Variants in CEP128 observed in about 807,000 individuals in gnomAD.
CEP128 encodes the protein centrosomal protein 128kDa.
In CEP128, 132 loss-of-function variants were observed where a neutral mutation model predicts 156.7. That is an observed-to-expected ratio of 0.84 (90% CI 0.73 to 0.97). The LOEUF is 0.97. CEP128 is among the 50% of genes least tolerant of loss of function. The pLI is 0.00. For missense variants in CEP128, 1,252 were observed against 1,281.9 expected (o/e 0.98, Z 0.36); for synonymous variants, 469 against 448.9 (o/e 1.04, Z -0.57).
chr14:80,660,600 T>A (rs1895358146), intron 19 of CEP128, among the ~76,000 whole-genome samples: 2 of 152,176 alleles, frequency 1.3e-5, no homozygotes, highest in African/African-American at 4.8e-5. Context: ...ATTACCTTGT[T>A]GAGTGAAAAG....
chr14:80,793,817 A>G (rs1347872202), intron 13 of CEP128, among the ~76,000 whole-genome samples: 11 of 152,206 alleles, frequency 7.2e-5, no homozygotes, highest in Non-Finnish European at 1.6e-4. Context: ...TGGAAATTAC[A>G]CTAAATCATC....
chr14:80,927,286 C>T (rs1401622338), intron 2 of CEP128, among the ~76,000 whole-genome samples: 1 of 152,180 alleles, frequency 6.6e-6, no homozygotes, highest in East Asian at 1.9e-4. Flanking sequence ...GTGCTGGGCT[C>T]AGTAGGAAAA....
At chr14:80,619,906 C>G (rs541646129) in intron 19 of CEP128, among the ~76,000 whole-genome samples, 1 of 152,016 alleles carries the variant, frequency 6.6e-6, no homozygotes, top group Non-Finnish European at 1.5e-5. Flanking sequence ...GTGTGGATCA[C>G]CTGAGGTCAG....
At chr14:80,958,278 A>G (rs1886817477) in exon 2 of CEP128, 1 of 152,174 alleles carries the variant, frequency 6.6e-6, no homozygotes, top group Non-Finnish European at 1.5e-5. Context: ...CATTTTATAG[A>G]TGAGGACCTT....
chr14:80,835,085 A>C (rs1179197140), intron 12 of CEP128, among the ~76,000 whole-genome samples: 1 of 152,094 alleles, frequency 6.6e-6, no homozygotes, highest in Non-Finnish European at 1.5e-5. Context: ...TAGTTCAGAC[A>C]AGAGTGGGTT....
intron 19 of CEP128, among the ~76,000 whole-genome samples, chr14:80,725,477 C>T (rs1897988078): frequency 1.3e-5 from 2 of 152,118 alleles, no homozygotes; most frequent in Non-Finnish European, 2.9e-5. Flanking sequence ...GGCACTGCGC[C>T]CAGCCCCCAG....
intron 19 of CEP128, among the ~76,000 whole-genome samples, chr14:80,643,402 C>G (rs953816108): frequency 2.6e-5 from 4 of 152,034 alleles, no homozygotes; most frequent in African/African-American, 9.7e-5. Flanking sequence ...GGGTGCAACA[C>G]AACTAAGCAA....
intron 19 of CEP128, among the ~76,000 whole-genome samples, chr14:80,667,992 C>T (rs1895693984): frequency 6.6e-6 from 1 of 151,824 alleles, no homozygotes; most frequent in South Asian, 2.1e-4. Context: ...ATGAAAACAA[C>T]AGTGATGCTG....
At chr14:80,644,276 G>A (rs951480792) in intron 19 of CEP128, among the ~76,000 whole-genome samples, 5 of 152,268 alleles carry the variant, frequency 3.3e-5, no homozygotes, top group African/African-American at 1.2e-4. Context: ...CTTTGTTATG[G>A]TAGCCCTGGG....
chr14:80,860,804 C>T (rs186549053), intron 9 of CEP128, among the ~76,000 whole-genome samples: 2 of 152,002 alleles, frequency 1.3e-5, no homozygotes, highest in Admixed American at 1.3e-4. Context: ...ATTTTTGTTC[C>T]TAATTTTCAA....
intron 14 of CEP128, among the ~76,000 whole-genome samples, chr14:80,479,928 A>G (rs943154337): frequency 2.0e-5 from 3 of 152,200 alleles, no homozygotes; most frequent in Non-Finnish European, 4.4e-5. Flanking sequence ...GTCAAATGTT[A>G]AAGCTCCAAA....
chr14:80,812,875 T>C (rs1327351824), intron 13 of CEP128, among the ~76,000 whole-genome samples: 1 of 151,036 alleles, frequency 6.6e-6, no homozygotes, highest in Non-Finnish European at 1.5e-5. Flanking sequence ...TTTTTGTCTG[T>C]TTGTTTGTTT....
chr14:80,814,193 A>G (rs1425964990), intron 13 of CEP128, among the ~76,000 whole-genome samples: 1 of 152,192 alleles, frequency 6.6e-6, no homozygotes, highest in African/African-American at 2.4e-5. Context: ...TAGAGCTTCT[A>G]AAATATGTGA....
intron 18 of CEP128, among the ~76,000 whole-genome samples, chr14:80,745,843 G>A (rs1480666111): frequency 6.6e-6 from 1 of 151,966 alleles, no homozygotes; most frequent in Non-Finnish European, 1.5e-5. Flanking sequence ...ACAGGCTTAT[G>A]TGCAGGAAAA....
At chr14:80,886,973 G>T (rs916516979) in intron 8 of CEP128, among the ~76,000 whole-genome samples, 3 of 152,112 alleles carry the variant, frequency 2.0e-5, no homozygotes, top group East Asian at 1.9e-4. Context: ...TAAAGCAAGG[G>T]TTGCAATCCT....
intron 18 of CEP128, among the ~76,000 whole-genome samples, chr14:80,747,893 G>A (rs749379067): frequency 2.0e-5 from 3 of 152,166 alleles, no homozygotes; most frequent in Admixed American, 2.0e-4. Context: ...GATGGCTAAG[G>A]CGTCCTGATT....
At chr14:80,561,906 A>ATG (rs1555375128) in intron 20 of CEP128, among the ~76,000 whole-genome samples, 1 of 149,496 alleles carries the variant, frequency 6.7e-6, no homozygotes, top group East Asian at 2.0e-4. Context: ...CTATATATAT[A>ATG]TATATATTTG....
intron 23 of CEP128, among the ~76,000 whole-genome samples, chr14:80,515,094 C>G (rs1487503074): frequency 6.6e-6 from 1 of 152,220 alleles, no homozygotes; most frequent in Non-Finnish European, 1.5e-5. Flanking sequence ...TGAAATCTCT[C>G]TCTCCATGAC....
At chr14:80,950,570 G>C (rs560922808) in intron 2 of CEP128, among the ~76,000 whole-genome samples, 1 of 152,162 alleles carries the variant, frequency 6.6e-6, no homozygotes, top group Admixed American at 6.5e-5. Flanking sequence ...TGAAGACATA[G>C]CAAAAGAAAC....
Sources: gnomAD v4.1 joint callset for allele counts (sites outside exome capture counted in the v4.1 genomes callset) on GRCh38, gnomAD v4.1.1 for gene constraint, MANE v1.5 for transcripts, NCBI Gene and HGNC (gene_info 2026-07-23, HGNC 2026-07-21) for gene names.